PUM2: variants seen among roughly 807,000 people sequenced by gnomAD.
PUM2 encodes the protein pumilio homolog 2.
Under a neutral mutation model 124.5 loss-of-function variants are expected in PUM2, and 57 were observed. The ratio of observed to expected loss-of-function variants is 0.46; its 90% CI spans 0.37 to 0.57. PUM2 has a LOEUF of 0.57. Ranked by LOEUF, PUM2 falls within the 20% of genes least tolerant of loss-of-function variation. The pLI, the probability that PUM2 is intolerant of heterozygous loss-of-function variation, is 0.00. For synonymous variants in PUM2, 460 were observed against 446.1 expected (o/e 1.03, Z -0.39); for missense variants, 1,065 against 1,290.6 (o/e 0.83, Z 2.68).
intron 13 of PUM2, among the ~76,000 whole-genome samples, chr2:20,274,429 T>A (rs1258797772): frequency 6.6e-6 from 1 of 152,154 alleles, no homozygotes; most frequent in African/African-American, 2.4e-5. Context: ...AGCACAAGAC[T>A]AAGTCTGCCA....
intron 16 of PUM2, among the ~76,000 whole-genome samples, 159 bp from the exon 17 acceptor site, chr2:20,256,329 A>T (rs1172985219): frequency 6.6e-6 from 1 of 152,200 alleles, no homozygotes; most frequent in African/African-American, 2.4e-5. Flanking sequence ...CACAAATATT[A>T]TTTCCTGTTT....
intron 7 of PUM2, among the ~76,000 whole-genome samples, chr2:20,305,313 C>T (rs934805909): frequency 1.3e-5 from 2 of 151,578 alleles, no homozygotes; most frequent in African/African-American, 2.4e-5. Context: ...GGTGAATCCC[C>T]GTCTCTACAA....
intron 13 of PUM2, among the ~76,000 whole-genome samples, chr2:20,273,244 G>A (rs982596580): frequency 3.3e-5 from 5 of 152,184 alleles, no homozygotes; most frequent in Admixed American, 6.5e-5. Context: ...CTGGCTACCA[G>A]GCATTTAATG....
chr2:20,327,373 T>C lies in PUM2; in HGVS notation c.-13A>G. 3.2e-6 allele frequency: 5 copies of C among 1,566,770 alleles called. No individual in the cohort carries two copies. Among genetic ancestry groups the C allele is most frequent in the African/African-American group, 1.4e-5 (1 of 73,574 alleles). On this transcript the variant is annotated 5_prime_UTR_variant, in exon 2 of 21. Transcript: ENST00000361078. Reference sequence around the variant, plus strand: ...AATCATGATTCATTTCATCCACAGATCAAACCTGTTGAATAACAAAAACAA... The same window carrying C: ...AATCATGATTCATTTCATCCACAGACCAAACCTGTTGAATAACAAAAACAA...
intron 12 of PUM2, among the ~76,000 whole-genome samples, chr2:20,280,301 AT>A (rs1671211827): frequency 2.0e-5 from 3 of 152,184 alleles, no homozygotes. Context: ...AAGATTTTAC[AT>A]TTTAAGATAT....
intron 1 of PUM2, among the ~76,000 whole-genome samples, chr2:20,348,168 A>C (rs1688606098): frequency 6.7e-6 from 1 of 149,878 alleles, no homozygotes; most frequent in Non-Finnish European, 1.5e-5. Flanking sequence ...ATTAAAAATT[A>C]ATAATAATAA....
At chr2:20,283,599 C>A (rs1020718520) in intron 10 of PUM2, 113 bp from the exon 11 acceptor site, 75 of 1,062,976 alleles carry the variant, frequency 7.1e-5, no homozygotes, top group Non-Finnish European at 4.8e-5. Context: ...TGTACCATTA[C>A]TATAAAATCC....
At chr2:20,260,818 A>G (rs1489619414) in intron 14 of PUM2, among the ~76,000 whole-genome samples, 2 of 152,174 alleles carry the variant, frequency 1.3e-5, no homozygotes, top group Non-Finnish European at 2.9e-5. Context: ...AATAAAGGAA[A>G]CCCTTAGAAG....
intron 3 of PUM2, among the ~76,000 whole-genome samples, chr2:20,313,411 T>C (rs1680123306): frequency 6.6e-6 from 1 of 152,188 alleles, no homozygotes; most frequent in African/African-American, 2.4e-5. Flanking sequence ...AAAAGGTCAA[T>C]AAAGGTAGAA....
chr2:20,295,142 T>C (rs1675208960), intron 8 of PUM2, among the ~76,000 whole-genome samples: 1 of 152,102 alleles, frequency 6.6e-6, no homozygotes, highest in Non-Finnish European at 1.5e-5. Context: ...CTAGATAATA[T>C]AAGCAGAAAG....
chr2:20,261,037 A>G (rs1162950919), intron 14 of PUM2, among the ~76,000 whole-genome samples: 10 of 152,186 alleles, frequency 6.6e-5, no homozygotes, highest in Admixed American at 6.5e-4. Context: ...ATAACATCAT[A>G]GTGCAATACG....
Position 20,260,392 on chromosome 2 carries a change from G to T in PUM2, c.2300C>A (p.Ala767Asp). The change falls in exon 15 of 21, where the codon GCC (alanine) becomes GAC (aspartate). Residue 767 changes from alanine to aspartate, a missense_variant. Physicochemically the swap from Ala to Asp is moderately radical, Grantham distance 126. Around this residue, in one of 3 missense-constraint regions of PUM2, gnomAD observed 968 missense variants for 1,159.8 expected, o/e 0.83. Coordinates refer to ENST00000361078, the MANE Select transcript of PUM2 (RefSeq NM_015317.5). ...AAAAACATCAGTCATTAATTGATAG[G>T]CTGCTTGCAGAATTTCATTAAATAC... ...QMVFNEILQA[A>D]YQLMTDVFGN... The T allele has an allele frequency of 6.2e-7, 1 of 1,612,284 alleles. No homozygotes were observed. Among genetic ancestry groups the T allele is most frequent in the Non-Finnish European group, 8.5e-7 (1 of 1,178,680 alleles).
chr2:20,258,813 G>A (rs1369793343), intron 15 of PUM2, among the ~76,000 whole-genome samples: 5 of 151,150 alleles, frequency 3.3e-5, no homozygotes, highest in Admixed American at 6.6e-5. Flanking sequence ...GACTACAGGC[G>A]CCCGCCACCG....
chr2:20,306,826 C>CA (rs1018037157), intron 7 of PUM2, among the ~76,000 whole-genome samples: 37 of 151,724 alleles, frequency 2.4e-4, no homozygotes, highest in African/African-American at 8.0e-4. Context: ...AGGATGGTCT[C>CA]AAACTCCTGA....
At chr2:20,313,317 T>A (rs541813980) in intron 3 of PUM2, among the ~76,000 whole-genome samples, 1 of 152,192 alleles carries the variant, frequency 6.6e-6, no homozygotes, top group Non-Finnish European at 1.5e-5. Context: ...ACTAACTGGC[T>A]GGAGCACACA....
intron 1 of PUM2, among the ~76,000 whole-genome samples, chr2:20,328,709 A>C (rs911385058): frequency 6.6e-6 from 1 of 152,246 alleles, no homozygotes; most frequent in Non-Finnish European, 1.5e-5. Context: ...GCAGATTATA[A>C]AACAACAAAA....
chr2:20,297,810 T>G, intron 7 of PUM2, 132 bp from the exon 8 acceptor site: 1 of 855,232 alleles, frequency 1.2e-6, no homozygotes, highest in South Asian at 2.2e-5. Flanking sequence ...TGGTTCAAAT[T>G]TTTACTAAGT....
At chr2:20,284,967 T>A (rs928594937) in intron 10 of PUM2, among the ~76,000 whole-genome samples, 2 of 152,250 alleles carry the variant, frequency 1.3e-5, no homozygotes, top group Non-Finnish European at 2.9e-5. Context: ...TAGTCTTAAC[T>A]GGTATGTGTG....
intron 10 of PUM2, among the ~76,000 whole-genome samples, 162 bp downstream of exon 10, chr2:20,290,463 ATTTACCATTCCTGTCGTTGAGTCTCAC>A (rs1458044737): frequency 1.2e-4 from 1 of 8,008 alleles, no homozygotes; most frequent in Non-Finnish European, 2.3e-4. Context: ...TTGAGTCTCA[ATTTACCATTCCTGTCGTTGAGTCTCAC>A]AATCAATACT....
Sources: allele counts gnomAD v4.1 joint callset (sites outside exome capture counted in the v4.1 genomes callset), GRCh38; gene constraint gnomAD v4.1.1; regional missense constraint gnomAD v4.1.1; transcripts MANE v1.5; gene names NCBI Gene and HGNC (gene_info 2026-07-23, HGNC 2026-07-21).